MYT1L: variants seen among roughly 807,000 people sequenced by gnomAD.
MYT1L encodes the protein myelin transcription factor 1 like.
MYT1L carries 12 observed loss-of-function variants against 126.7 expected under a neutral mutation model. The ratio of observed to expected loss-of-function variants is 0.09; its 90% CI spans 0.06 to 0.15. The LOEUF (loss-of-function observed/expected upper bound fraction) is 0.15. MYT1L is among the 10% of genes least tolerant of loss of function. MYT1L has a pLI of 1.00. For synonymous variants in MYT1L, 541 were observed against 604.2 expected (o/e 0.90, Z 1.53); for missense variants, 979 against 1,585.2 (o/e 0.62, Z 6.49).
intron 4 of MYT1L, among the ~76,000 whole-genome samples, chr2:2,008,446 C>T (rs935719027): frequency 2.6e-5 from 4 of 152,232 alleles, no homozygotes; most frequent in Admixed American, 2.0e-4. Flanking sequence ...TGATGCTGAA[C>T]ACCTTCTCAT....
At chr2:2,237,844 C>T (rs1005870450) in intron 2 of MYT1L, among the ~76,000 whole-genome samples, 10 of 152,162 alleles carry the variant, frequency 6.6e-5, no homozygotes, top group Admixed American at 3.3e-4. Flanking sequence ...CAGCTGGGGT[C>T]TCCTGTGAAA....
At chr2:2,058,953 G>T (rs942208447) in intron 3 of MYT1L, among the ~76,000 whole-genome samples, 1 of 152,068 alleles carries the variant, frequency 6.6e-6, no homozygotes, top group African/African-American at 2.4e-5. Flanking sequence ...TTCATATGGG[G>T]GCAACAAAAC....
intron 8 of MYT1L, among the ~76,000 whole-genome samples, chr2:1,976,816 C>T (rs897657571): frequency 1.3e-5 from 2 of 152,142 alleles, no homozygotes; most frequent in South Asian, 2.1e-4. Context: ...GCTTAGAAAA[C>T]GCTCAGTGAG....
At chr2:2,294,356 A>G (rs557964750) in intron 1 of MYT1L, among the ~76,000 whole-genome samples, 1 of 152,164 alleles carries the variant, frequency 6.6e-6, no homozygotes, top group East Asian at 1.9e-4. Context: ...ATATCTTAGG[A>G]TGGTTTCAAT....
intron 5 of MYT1L, among the ~76,000 whole-genome samples, chr2:1,994,677 T>C (rs1368464403): frequency 6.6e-6 from 1 of 152,256 alleles, no homozygotes; most frequent in Non-Finnish European, 1.5e-5. Context: ...TCTATAGGGC[T>C]GTTCTGAGAC....
At chr2:1,818,963 G>C (rs997885762) in intron 21 of MYT1L, among the ~76,000 whole-genome samples, 1 of 152,196 alleles carries the variant, frequency 6.6e-6, no homozygotes, top group Non-Finnish European at 1.5e-5. Context: ...AGAAAGTGCA[G>C]CTGTGGGTGG....
At position 2,132,525 on chromosome 2, in the gene MYT1L, G is replaced by A. The variant is rs1048141530; in HGVS notation, c.-304+40347C>T. On this transcript the variant is annotated intron_variant, in intron 3 of 24. Coordinates refer to ENST00000647738, the MANE Select transcript of MYT1L (RefSeq NM_001303052.2). ...CACTCATAAGTGGGAGTTGAACAAT[G>A]AGAACACATGGACACAGAGAGGGGA... Among the ~76,000 whole-genome samples, 2 of 143,466 alleles carry A rather than the reference G, an allele frequency of 1.4e-5. 1 individual carries two copies. The highest frequency in any genetic ancestry group is 4.4e-4 in the East Asian group (2 of 4,576). 94.1% of individuals were successfully genotyped at this position (143,466 alleles called of 152,430 possible).
intron 1 of MYT1L, among the ~76,000 whole-genome samples, chr2:2,306,590 C>A (rs2095862444): frequency 2.0e-5 from 3 of 152,082 alleles, no homozygotes; most frequent in Non-Finnish European, 4.4e-5. Flanking sequence ...TATCGAGGTA[C>A]CCTACATAAC....
chr2:1,973,699 C>G (rs111463530), intron 8 of MYT1L, among the ~76,000 whole-genome samples: 1,921 of 152,306 alleles, frequency 0.013, 38 homozygotes, highest in African/African-American at 0.042. Context: ...TTCAATGTAT[C>G]CCTGCCCTTC....
intron 2 of MYT1L, among the ~76,000 whole-genome samples, chr2:2,202,782 A>G (rs2093140353): frequency 6.6e-6 from 1 of 152,194 alleles, no homozygotes; most frequent in African/African-American, 2.4e-5. Flanking sequence ...TGAGGCCAAC[A>G]TCATCCTGAT....
chr2:2,273,210 G>A (rs2149353948), intron 2 of MYT1L, among the ~76,000 whole-genome samples: 1 of 152,224 alleles, frequency 6.6e-6, no homozygotes, highest in Middle Eastern at 3.4e-3. Context: ...ACTATCGCAG[G>A]ACCTTTCGGC....
intron 14 of MYT1L, among the ~76,000 whole-genome samples, chr2:1,899,118 G>A (rs1053002827): frequency 5.3e-5 from 8 of 152,154 alleles, no homozygotes; most frequent in African/African-American, 1.4e-4. Flanking sequence ...GTTGCCTGGA[G>A]ACACAGCAAA....
Position 2,272,708 on chromosome 2 carries a change from T to C in MYT1L, c.-421+11696A>G, listed in dbSNP as rs367957712. ...GAAAAGCAGGCGTCTTGGCTTAACCTGTCTAAACTGATCTCTGGATGTCCC... is the reference window on the plus strand; with the variant it reads ...GAAAAGCAGGCGTCTTGGCTTAACCCGTCTAAACTGATCTCTGGATGTCCC... On this transcript the variant is annotated intron_variant, in intron 2 of 24. Transcript: ENST00000647738. 9.2e-5 allele frequency among the ~76,000 whole-genome samples: 14 copies of C among 152,340 alleles called. No homozygotes were observed. The South Asian group carries it at 1.5e-3, about 16-fold the overall frequency.
At chr2:1,863,370 A>G (rs1423442311) in intron 18 of MYT1L, among the ~76,000 whole-genome samples, 1 of 152,226 alleles carries the variant, frequency 6.6e-6, no homozygotes, top group Admixed American at 6.5e-5. Context: ...AGTTAGGGAA[A>G]GTAGGCTGGA....
chr2:2,109,047 T>G (rs1261493596), intron 3 of MYT1L, among the ~76,000 whole-genome samples: 1 of 152,220 alleles, frequency 6.6e-6, no homozygotes, highest in African/African-American at 2.4e-5. Context: ...ACAGCACACA[T>G]TAGCCAATCC....
At chr2:2,105,866 T>C (rs2150524704) in intron 3 of MYT1L, among the ~76,000 whole-genome samples, 1 of 152,292 alleles carries the variant, frequency 6.6e-6, no homozygotes, top group South Asian at 2.1e-4. Flanking sequence ...TGTGGTTCAT[T>C]TTAGAAGGCA....
At chr2:1,970,860 T>C (rs2149444079) in intron 8 of MYT1L, among the ~76,000 whole-genome samples, 1 of 152,318 alleles carries the variant, frequency 6.6e-6, no homozygotes, top group South Asian at 2.1e-4. Context: ...TATTTTTTAA[T>C]TATTAGTTCA....
In MYT1L at chr2:2,181,196, T is replaced by G. The variant is rs62116729; in HGVS notation, c.-420-8208A>C. Among the ~76,000 whole-genome samples the G allele has an allele frequency of 7.5e-3, 1,135 of 150,974 alleles. 11 individuals are homozygous for G. Among genetic ancestry groups the G allele is most frequent in the Non-Finnish European group, 0.013 (863 of 67,704 alleles). On this transcript the variant is annotated intron_variant, in intron 2 of 24. Transcript: ENST00000647738. The stretch of plus-strand genomic sequence containing the variant: ...CATGTATCTGTACCTATGATCTATG[T>G]GTGCCGTGTACCTGTGTTTGTGCCT...
At chr2:2,303,948 G>A (rs570451709) in intron 1 of MYT1L, 1 of 152,204 alleles carries the variant, frequency 6.6e-6, no homozygotes, top group Non-Finnish European at 1.5e-5. Flanking sequence ...TGTCCCAGCT[G>A]CGGGTAGTTG....
Sources: gnomAD v4.1 joint callset for allele counts (sites outside exome capture counted in the v4.1 genomes callset) on GRCh38, gnomAD v4.1.1 for gene constraint, MANE v1.5 for transcripts, NCBI Gene and HGNC (gene_info 2026-07-23, HGNC 2026-07-21) for gene names.